Variants in MPI observed in about 807,000 individuals in gnomAD.
MPI encodes the protein mannose-6-phosphate isomerase.
A neutral mutation model predicts 40.1 loss-of-function variants in MPI; 33 were observed. The ratio of observed to expected loss-of-function variants is 0.82; its 90% confidence interval spans 0.62 to 1.10. The LOEUF (loss-of-function observed/expected upper bound fraction) is 1.10, where lower values mean the gene tolerates loss of function less well. Among genes scored for constraint, MPI ranks in the 50% least tolerant of loss-of-function variants. The probability of loss-of-function intolerance (pLI) is 0.00; values close to 1 mark genes in which losing one functional copy is unlikely to be tolerated. For missense variants in MPI, 514 were observed against 524.1 expected (o/e 0.98, Z 0.19); for synonymous variants, 187 against 207.4 (o/e 0.90, Z 0.85).
At position 74,891,368 on chromosome 15, in the gene MPI, T is replaced by C. The variant is rs768029221; in HGVS notation, c.145-11T>C. 19 of 1,613,818 alleles carry C rather than the reference T, an allele frequency of 1.2e-5. No individual in the cohort carries two copies. In the East Asian group the frequency reaches 4.2e-4, roughly 36 times the overall value. ...TTCCCCCTTCCCCTCCCAAGTTTCC[T>C]GTCTTTCCAGTTGTGGATGGGGACT... is the stretch of plus-strand genomic sequence containing the variant. On this transcript the variant is annotated splice_polypyrimidine_tract_variant and intron_variant, in intron 2 of 7. Coordinates refer to ENST00000352410, the MANE Select transcript of MPI (RefSeq NM_002435.3).
Position 74,897,154 on chromosome 15 carries a change from C to G in MPI, c.988C>G (p.Gln330Glu). The change falls in exon 7 of 8, where the codon CAG (glutamine) becomes GAG (glutamate). Residue 330 changes from glutamine to glutamate, a missense_variant. Gln to Glu is a conservative substitution (Grantham distance 29). Coordinates refer to ENST00000352410, the MANE Select transcript of MPI (RefSeq NM_002435.3). ...KDRLFLPTRS[Q>E]EDPYLSIYDP... ...CAGGCTCTTTCTCCCAACACGGAGT[C>G]AGGAAGACCCCTACCTCTCAATCTA... 1 of 1,614,188 alleles carries G rather than the reference C, an allele frequency of 6.2e-7. No homozygotes were observed. The highest frequency in any genetic ancestry group is 1.3e-5 in the African/African-American group (1 of 75,048).
intron 1 of MPI, 156 bp downstream of exon 1, chr15:74,890,245 C>T: frequency 8.9e-7 from 1 of 1,124,896 alleles, no homozygotes; most frequent in Non-Finnish European, 1.3e-6. Context: ...TGGGGATTGA[C>T]CTCCGAGGGG....
chr15:74,890,170 G>A (rs1486738335), intron 1 of MPI, 81 bp downstream of exon 1: 3 of 1,575,566 alleles, frequency 1.9e-6, no homozygotes, highest in Non-Finnish European at 2.6e-6. Context: ...CGGCCAGGTT[G>A]AGTCCGCTCC....
intron 5 of MPI, chr15:74,893,871 A>G (rs977918762): frequency 2.8e-5 from 5 of 180,382 alleles, no homozygotes; most frequent in African/African-American, 7.0e-5. Context: ...ACTCCCAGCA[A>G]TGAGCTTATG....
At chr15:74,896,773 C>G in intron 6 of MPI, 3 of 631,222 alleles carry the variant, frequency 4.8e-6, no homozygotes, top group Non-Finnish European at 5.7e-6. Flanking sequence ...AAGTGGGAGA[C>G]TACAGAGTTG....
chr15:74,894,039 A>G (rs62004162), intron 5 of MPI, among the ~76,000 whole-genome samples: 6 of 56,982 alleles, frequency 1.1e-4, no homozygotes, highest in Non-Finnish European at 2.3e-4. Flanking sequence ...TTTTCTGTTC[A>G]GTGTGTGTGT....
At position 74,899,636 on chromosome 15, in the gene MPI, T is replaced by C. The variant is rs1046064372; in HGVS notation, c.*1906T>C. 6.6e-6 allele frequency: 1 copy of C among 152,216 alleles called. No individual in the cohort carries two copies. The highest frequency in any genetic ancestry group is 2.4e-5 in the African/African-American group (1 of 41,446). 9.4% of individuals were successfully genotyped at this position (152,216 alleles called of 1,614,324 possible). On this transcript the variant is annotated 3_prime_UTR_variant, in exon 8 of 8. Transcript: ENST00000352410. ...GGATATCCAGGATATTCTTAACTTT[T>C]ATTTTTTTGAGACGGAGTCTCGCAC...
At chr15:74,895,129 C>CTTT (rs71140110) in intron 5 of MPI, among the ~76,000 whole-genome samples, 2 of 110,582 alleles carry the variant, frequency 1.8e-5, no homozygotes, top group Admixed American at 9.5e-5. Context: ...CCACACCTGG[C>CTTT]TTTTTTTTTT....
Position 74,892,770 on chromosome 15 carries a change from G to T in MPI, c.455G>T (p.Arg152Leu), listed in dbSNP as rs766458792. ...LTPFQGLCGF[R>L]PVEEIVTFLK... Reference sequence around the variant, plus strand: ...CCCTTCCAGGGCTTGTGTGGCTTCCGGCCAGTTGAGGAGATTGTAACCTTT... The same window carrying T: ...CCCTTCCAGGGCTTGTGTGGCTTCCTGCCAGTTGAGGAGATTGTAACCTTT... The change falls in exon 4 of 8, where the codon CGG becomes CTG. Residue 152 changes from arginine to leucine, a missense_variant. Arg to Leu is a moderately radical substitution (Grantham distance 102, BLOSUM62 -2). Transcript: ENST00000352410. The T allele has an allele frequency of 1.9e-6, 3 of 1,614,144 alleles. No homozygotes were observed. In the East Asian group the frequency reaches 6.7e-5, roughly 36 times the overall value.
Position 74,897,613 on chromosome 15 carries a change from G to C in MPI, c.1155G>C (p.Gln385His). 1 of 1,614,212 alleles carries C rather than the reference G, an allele frequency of 6.2e-7. No individual in the cohort carries two copies. The highest frequency in any genetic ancestry group is 8.5e-7 in the Non-Finnish European group (1 of 1,180,034). The change falls in exon 8 of 8, where the codon CAG becomes CAC. Residue 385 changes from glutamine (Q) to histidine (H), a missense_variant. Physicochemically the swap from Gln to His is conservative, Grantham distance 24. Transcript: ENST00000352410. ...GTVIASTPTT[Q>H]TPIPLQRGGV... is the part of the protein sequence containing the mutation. Reference sequence around the variant, plus strand: ...TAATAGCCAGCACACCCACAACCCAGACACCAATCCCTCTGCAACGTGGTG... The same window carrying C: ...TAATAGCCAGCACACCCACAACCCACACACCAATCCCTCTGCAACGTGGTG...
rs552689001 is a variant in MPI, at chr15:74,901,988, G to A, written c.*4258G>A. 142 of 397,458 alleles carry A rather than the reference G, an allele frequency of 3.6e-4. No homozygotes were observed. Among genetic ancestry groups the A allele is most frequent in the African/African-American group, 2.5e-3 (124 of 48,740 alleles). The allele number at this position is 397,458 out of a possible 1,614,324, so 24.6% of individuals were successfully genotyped here. A position where few individuals can be genotyped will look rare whatever the true frequency, so the allele number is the denominator to read the frequency against. On this transcript the variant is annotated 3_prime_UTR_variant, in exon 8 of 8. Coordinates refer to ENST00000352410, the MANE Select transcript of MPI (RefSeq NM_002435.3). ...CCAGTTGGGGATGCCCCAGGTCCAG[G>A]GATTCTGGAAGCCAGGATCCTGCTG... is the stretch of plus-strand genomic sequence containing the variant.
In MPI at chr15:74,897,589, A is replaced by ATAGCCAGCACAGGGGACAGTG; in HGVS notation, c.1131_1132insTAGCCAGCACAGGGGACAGTG (p.Val377_Ile378insTer). 1 of 1,613,916 alleles carries ATAGCCAGCACAGGGGACAGTG rather than the reference A, an allele frequency of 6.2e-7. No homozygotes were observed. Among genetic ancestry groups the ATAGCCAGCACAGGGGACAGTG allele is most frequent in the Non-Finnish European group, 8.5e-7 (1 of 1,179,956 alleles). On this transcript the variant is annotated stop_gained and inframe_insertion, in exon 8 of 8. Coordinates refer to ENST00000352410, the MANE Select transcript of MPI (RefSeq NM_002435.3). LOFTEE classifies it high-confidence loss of function. ...TCCTCCTGATGGTACAGGGGACAGT[A>ATAGCCAGCACAGGGGACAGTG]ATAGCCAGCACACCCACAACCCAGA...
chr15:74,890,280 C>G, intron 1 of MPI, 191 bp downstream of exon 1: 2 of 927,750 alleles, frequency 2.2e-6, no homozygotes, highest in Non-Finnish European at 3.4e-6. Flanking sequence ...GACGTCGTGC[C>G]GTGGGATAGG....
chr15:74,901,189 G>T lies in MPI; in HGVS notation c.*3459G>T, dbSNP rs1270731035. ...CTCACCATGTGGGAGGACTGCTTGG[G>T]CCTGGGAGGTTGAGGCTGCAGTGAG... On this transcript the variant is annotated 3_prime_UTR_variant, in exon 8 of 8. Coordinates refer to ENST00000352410, the MANE Select transcript of MPI (RefSeq NM_002435.3). 3 of 152,462 alleles carry T rather than the reference G, an allele frequency of 2.0e-5. No homozygotes were observed. Among genetic ancestry groups the T allele is most frequent in the South Asian group, 2.1e-4 (1 of 4,836 alleles). The allele number at this position is 152,462 out of a possible 1,614,324, so 9.4% of individuals were successfully genotyped here.
intron 5 of MPI, chr15:74,895,837 C>T (rs1251768581): frequency 5.1e-6 from 2 of 394,238 alleles, no homozygotes; most frequent in Non-Finnish European, 9.6e-6. Context: ...AAAGAATTAC[C>T]TAGCCCAAAT....
intron 6 of MPI, 187 bp downstream of exon 6, chr15:74,896,512 G>A (rs754104704): frequency 5.8e-5 from 42 of 723,870 alleles, no homozygotes; most frequent in African/African-American, 1.0e-4. Context: ...CATTGAACAC[G>A]CCTTGAATCC....
rs745824777 is a variant in MPI at position 74,897,710 on chromosome 15, C to T, written c.1252C>T (p.Arg418Cys). ...TGAGCCGAAGGACCTGCTGATATTC[C>T]GTGCCTGCTGTCTGCTGTAAAGGCT... ...LTEPKDLLIF[R>C]ACCLL The change falls in exon 8 of 8, where the codon CGT becomes TGT. Residue 418 changes from arginine (R) to cysteine (C), a missense_variant. Physicochemically the swap from Arg to Cys is radical, Grantham distance 180. Transcript: ENST00000352410. 2.2e-5 allele frequency: 35 copies of T among 1,613,972 alleles called. No homozygotes were observed. The highest frequency in any genetic ancestry group is 1.7e-4 in the Middle Eastern group (1 of 6,020).
rs576587168 is a variant in MPI, at chr15:74,894,178, G to T, written c.670+858G>T. 1.5e-3 allele frequency among the ~76,000 whole-genome samples: 217 copies of T among 148,344 alleles called. 4 individuals carry two copies. The highest frequency in any genetic ancestry group is 2.8e-3 in the Admixed American group (41 of 14,590). On this transcript the variant is annotated intron_variant, in intron 5 of 7. Transcript: ENST00000352410. ...GGCTCACTGCAGCCTCTGCCTCCCG[G>T]GTTCAAGCAATTCTCCTGCTTCAGC...
chr15:74,892,958 C>A, intron 4 of MPI, 156 bp downstream of exon 4: 3 of 1,359,058 alleles, frequency 2.2e-6, no homozygotes, highest in South Asian at 1.2e-5. Flanking sequence ...GCCAGTGAGA[C>A]CAGGCTCAGG....
Sources: gnomAD v4.1 joint callset for allele counts (sites outside exome capture counted in the v4.1 genomes callset) on GRCh38, gnomAD v4.1.1 for gene constraint, MANE v1.5 for transcripts, NCBI Gene and HGNC (gene_info 2026-07-23, HGNC 2026-07-21) for gene names.